Variants in COLEC12 observed in about 807,000 individuals in gnomAD.
The protein encoded by COLEC12 is collectin-12.
COLEC12 carries 33 observed loss-of-function variants against 71.1 expected under a neutral mutation model. The ratio of observed to expected loss-of-function variants is 0.46; its 90% CI spans 0.35 to 0.62. The LOEUF is 0.62. Among genes scored for constraint, COLEC12 ranks in the 20% least tolerant of loss-of-function variants. COLEC12 has a pLI of 0.00. For synonymous variants in COLEC12, 350 were observed against 353.0 expected (o/e 0.99, Z 0.10); for missense variants, 765 against 916.1 (o/e 0.84, Z 2.13).
At chr18:328,419 C>T (rs1334167591) in intron 8 of COLEC12, among the ~76,000 whole-genome samples, 1 of 152,200 alleles carries the variant, frequency 6.6e-6, no homozygotes, top group African/African-American at 2.4e-5. Context: ...TTTTTCTTGT[C>T]TTCTTCACAC....
At chr18:400,699 G>A (rs1439194493) in intron 2 of COLEC12, among the ~76,000 whole-genome samples, 8 of 152,190 alleles carry the variant, frequency 5.3e-5, no homozygotes, top group African/African-American at 1.9e-4. Flanking sequence ...GTTTATGACT[G>A]TTGGAATGTG....
chr18:364,104 G>C (rs1450891392), intron 2 of COLEC12, among the ~76,000 whole-genome samples: 1 of 152,070 alleles, frequency 6.6e-6, no homozygotes, highest in Non-Finnish European at 1.5e-5. Flanking sequence ...TTTACCAAGG[G>C]TATAGTTTGT....
rs112091244 is a variant in COLEC12 at position 400,870 on chromosome 18, TTGTGTG to T, written c.59-43354_59-43349del. Among the ~76,000 whole-genome samples the T allele has an allele frequency of 6.6e-5, 10 of 151,294 alleles. 1 individual carries two copies. Among genetic ancestry groups the T allele is most frequent in the Admixed American group, 5.9e-4 (9 of 15,170 alleles). On this transcript the variant is annotated intron_variant, in intron 2 of 9. Transcript: ENST00000400256. ...TGCTGTTGTTTCAAGAAATAACAAT[TTGTGTG>T]TGTGTGTGTGTGTTTTAAGAAGTAG...
chr18:419,526 C>T (rs1033197460), intron 2 of COLEC12, among the ~76,000 whole-genome samples: 1 of 152,168 alleles, frequency 6.6e-6, no homozygotes, highest in Non-Finnish European at 1.5e-5. Flanking sequence ...TTAAATGATA[C>T]AGAGTCATTA....
chr18:458,071 AG>A (rs1264879957), intron 2 of COLEC12, among the ~76,000 whole-genome samples: 1 of 152,210 alleles, frequency 6.6e-6, no homozygotes, highest in East Asian at 1.9e-4. Flanking sequence ...AGGCAAGAGG[AG>A]GACTCTAATG....
chr18:324,570 T>G (rs1009748369), intron 8 of COLEC12, among the ~76,000 whole-genome samples: 1 of 152,198 alleles, frequency 6.6e-6, no homozygotes, highest in African/African-American at 2.4e-5. Flanking sequence ...GGCTCACACC[T>G]GTAATCCCAG....
chr18:349,014 A>G (rs1185363100), intron 3 of COLEC12, among the ~76,000 whole-genome samples: 4 of 152,152 alleles, frequency 2.6e-5, no homozygotes, highest in East Asian at 1.9e-4. Flanking sequence ...TAAGTCTCAC[A>G]AGATCTGATG....
intron 2 of COLEC12, among the ~76,000 whole-genome samples, chr18:422,150 T>C (rs1394758009): frequency 1.3e-5 from 2 of 152,178 alleles, no homozygotes; most frequent in African/African-American, 2.4e-5. Flanking sequence ...AGGTGATTTG[T>C]CCCTTTTCAG....
intron 2 of COLEC12, among the ~76,000 whole-genome samples, chr18:460,870 G>A (rs928319085): frequency 1.3e-5 from 2 of 152,114 alleles, no homozygotes; most frequent in African/African-American, 2.4e-5. Context: ...CATATCACTC[G>A]GAGGGTCAGA....
At chr18:443,322 G>T (rs1228093019) in intron 2 of COLEC12, among the ~76,000 whole-genome samples, 1 of 152,184 alleles carries the variant, frequency 6.6e-6, no homozygotes, top group African/African-American at 2.4e-5. Flanking sequence ...TGGAAAAATT[G>T]ATACATCCAT....
chr18:496,417 T>C (rs1917713748), intron 1 of COLEC12, among the ~76,000 whole-genome samples: 1 of 152,194 alleles, frequency 6.6e-6, no homozygotes, highest in Non-Finnish European at 1.5e-5. Context: ...AATTAGATTG[T>C]AAATTTGCCT....
chr18:335,125 G>A lies in COLEC12; in HGVS notation c.1433C>T (p.Pro478Leu). 1 of 1,613,000 alleles carries A rather than the reference G, an allele frequency of 6.2e-7. No homozygotes were observed. The highest frequency in any genetic ancestry group is 8.5e-7 in the Non-Finnish European group (1 of 1,179,676). The stretch of plus-strand genomic sequence containing the variant: ...TGGGCCTCTCTCACCCGCAGGGCCA[G>A]GTGGTCCAGGCTCCCCCTTCTCTCC... ...QKGEKGEPGP[P>L]GPAGERGPIG... Residue 478 changes from proline to leucine, a missense_variant, in exon 6 of 10, where the codon CCT becomes CTT. By Grantham distance (98) the Pro-to-Leu change is moderately conservative (BLOSUM62 -3). Transcript: ENST00000400256.
intron 2 of COLEC12, among the ~76,000 whole-genome samples, chr18:379,315 T>TG (rs1915181547): frequency 1.3e-5 from 2 of 151,814 alleles, no homozygotes; most frequent in Middle Eastern, 3.2e-3. Context: ...TTTGTACAGA[T>TG]GGGGTCTCAC....
intron 2 of COLEC12, among the ~76,000 whole-genome samples, chr18:474,892 A>C (rs2143760906): frequency 6.6e-6 from 1 of 152,004 alleles, no homozygotes; most frequent in Middle Eastern, 3.4e-3. Flanking sequence ...GGCCAACAGG[A>C]TAAAACCCCG....
At chr18:402,446 C>A (rs79224567) in intron 2 of COLEC12, among the ~76,000 whole-genome samples, 5,632 of 152,122 alleles carry the variant, frequency 0.037, 168 homozygotes, top group East Asian at 0.17. Flanking sequence ...CAGCACCACG[C>A]CCTAGCAGAA....
At chr18:463,832 G>A (rs139236028) in intron 2 of COLEC12, among the ~76,000 whole-genome samples, 2 of 152,202 alleles carry the variant, frequency 1.3e-5, no homozygotes, top group East Asian at 3.9e-4. Flanking sequence ...AAACCATGTA[G>A]TAAATTAGAC....
chr18:349,571 C>T (rs138781798), intron 3 of COLEC12, among the ~76,000 whole-genome samples: 115 of 152,312 alleles, frequency 7.6e-4, no homozygotes, highest in South Asian at 3.5e-3. Context: ...GGGCCACCGT[C>T]CTCCAGACCC....
chr18:449,920 T>G (rs1916726671), intron 2 of COLEC12, among the ~76,000 whole-genome samples: 1 of 152,234 alleles, frequency 6.6e-6, no homozygotes, highest in Non-Finnish European at 1.5e-5. Flanking sequence ...CATCATAATT[T>G]TGTTACTGAC....
chr18:362,988 T>G lies in COLEC12; in HGVS notation c.59-5466A>C, dbSNP rs1447937465. On this transcript the variant is annotated intron_variant, in intron 2 of 9. Coordinates refer to ENST00000400256, the MANE Select transcript of COLEC12 (RefSeq NM_130386.3). The surrounding 1 kb of genome is among the most constrained non-coding windows in gnomAD (Gnocchi z 4.6). ...CCCAGTGCCCAAACTCAAAGTCCCC[T>G]GGGCTGCCCTGGTTCCAACAACACA... Among the ~76,000 whole-genome samples, 1 of 151,958 alleles carries G rather than the reference T, an allele frequency of 6.6e-6. No individual in the cohort carries two copies. The highest frequency in any genetic ancestry group is 2.4e-5 in the African/African-American group (1 of 41,374).
Sources: allele counts gnomAD v4.1 joint callset (sites outside exome capture counted in the v4.1 genomes callset), GRCh38; gene constraint gnomAD v4.1.1; non-coding constraint Gnocchi (gnomAD v3.1); transcripts MANE v1.5; gene names NCBI Gene and HGNC (gene_info 2026-07-23, HGNC 2026-07-21).